RACGAP1: variants seen among roughly 807,000 people sequenced by gnomAD.
The protein encoded by RACGAP1 is rac GTPase-activating protein 1.
In RACGAP1, 30 loss-of-function variants were observed where a neutral mutation model predicts 78.1. The observed-to-expected ratio is 0.38, with a 90% CI of 0.29 to 0.52. The LOEUF is 0.52. Ranked by LOEUF, RACGAP1 falls within the 20% of genes least tolerant of loss-of-function variation. The pLI, the probability that RACGAP1 is intolerant of heterozygous loss-of-function variation, is 0.82. For synonymous variants in RACGAP1, 231 were observed against 264.8 expected (o/e 0.87, Z 1.24); for missense variants, 587 against 777.1 (o/e 0.76, Z 2.91).
At chr12:50,007,337 A>G (rs1041011332) in intron 2 of RACGAP1, among the ~76,000 whole-genome samples, 2 of 152,180 alleles carry the variant, frequency 1.3e-5, no homozygotes, top group African/African-American at 4.8e-5. Flanking sequence ...TGCAAAGAGA[A>G]CATCACTTCC....
At chr12:50,033,347 T>G, upstream of RACGAP1, among the ~76,000 whole-genome samples, 1 of 148,966 alleles carries the variant, frequency 6.7e-6, no homozygotes, top group Non-Finnish European at 1.5e-5. Flanking sequence ...GTTCTGGGGG[T>G]CCAGGGAGGG....
intron 1 of RACGAP1, 47 bp from the exon 2 acceptor site, chr12:50,016,766 C>A: frequency 6.3e-7 from 1 of 1,582,166 alleles, no homozygotes; most frequent in Admixed American, 1.7e-5. Flanking sequence ...TTCTCGCCCA[C>A]AACAAAAGAT....
intron 2 of RACGAP1, among the ~76,000 whole-genome samples, chr12:50,009,633 T>C (rs1435269666): frequency 6.6e-6 from 1 of 152,196 alleles, no homozygotes; most frequent in African/African-American, 2.4e-5. Context: ...AAATAATCTG[T>C]TGAACAAATG....
chr12:49,997,228 AAC>A, intron 9 of RACGAP1, 24 bp from the exon 10 acceptor site: 1 of 1,512,578 alleles, frequency 6.6e-7, no homozygotes, highest in Non-Finnish European at 8.9e-7. Context: ...GGGCAGAAGG[AAC>A]AGAGTGATAT....
rs1469746467 is a variant in RACGAP1, at chr12:50,001,263, G to A, written c.550-11C>T. 1 of 1,590,736 alleles carries A rather than the reference G, an allele frequency of 6.3e-7. No homozygotes were observed. The highest frequency in any genetic ancestry group is 1.1e-5 in the South Asian group (1 of 90,494). On this transcript the variant is annotated splice_polypyrimidine_tract_variant and intron_variant, in intron 6 of 16. Coordinates refer to ENST00000312377, the MANE Select transcript of RACGAP1 (RefSeq NM_001319999.2). ...TCGGCTAGTAGAGCGCTAGAAAGGA[G>A]ACAAAGACCCGTAACTTTAATGCCA...
chr12:49,999,393 T>C (rs1445483689), intron 8 of RACGAP1, 122 bp from the exon 9 acceptor site: 3 of 1,285,718 alleles, frequency 2.3e-6, no homozygotes, highest in Non-Finnish European at 3.2e-6. Context: ...TGAGAACTAA[T>C]GGCTATGTAA....
intron 4 of RACGAP1, 127 bp downstream of exon 4, chr12:50,005,129 C>T (rs1462532213): frequency 6.4e-6 from 9 of 1,406,094 alleles, no homozygotes; most frequent in Non-Finnish European, 8.7e-6. Context: ...CTACTCTCCC[C>T]ACAAAATCTT....
In RACGAP1 at chr12:50,031,133, A is replaced by G. The variant is rs943078906; in HGVS notation, c.-24+564T>C. On this transcript the variant is annotated intron_variant, in intron 2 of 3. Coordinates refer to the RACGAP1 transcript ENST00000548247. ...AAAGTAAAAATGTGATTCTAATCAT[A>G]TATCTCCCTTGCTTAAAATCCTTAA... 3.3e-5 allele frequency among the ~76,000 whole-genome samples: 5 copies of G among 152,072 alleles called. No individual in the cohort carries two copies. The East Asian group carries it at 7.7e-4, about 23-fold the overall frequency.
At chr12:50,006,395 CT>C (rs993104481) in intron 3 of RACGAP1, 38 bp downstream of exon 3, 4 of 1,605,304 alleles carry the variant, frequency 2.5e-6, no homozygotes, top group Non-Finnish European at 3.4e-6. Flanking sequence ...CTTCCCCCTC[CT>C]GCATCATCAC....
chr12:50,026,639 T>C (rs1373749695), upstream of RACGAP1, among the ~76,000 whole-genome samples: 1 of 152,114 alleles, frequency 6.6e-6, no homozygotes, highest in Non-Finnish European at 1.5e-5. Flanking sequence ...ATATATAAAA[T>C]TGTATTTTAT....
chr12:49,993,794 C>T (rs1302957119), intron 12 of RACGAP1, among the ~76,000 whole-genome samples: 1 of 148,438 alleles, frequency 6.7e-6, no homozygotes, highest in Non-Finnish European at 1.5e-5. Flanking sequence ...CGCCTGTAAT[C>T]GCAGCACTTT....
At chr12:50,032,182 C>A (rs1443821201) in intron 1 of RACGAP1, among the ~76,000 whole-genome samples, 2 of 151,892 alleles carry the variant, frequency 1.3e-5, no homozygotes, top group African/African-American at 4.8e-5. Context: ...ATAGTTATTT[C>A]CTAGGGTTGT....
chr12:49,991,472 T>TATATATATATATATATATATATAG (rs1947847690), intron 15 of RACGAP1, among the ~76,000 whole-genome samples: 1 of 31,752 alleles, frequency 3.1e-5, no homozygotes, highest in South Asian at 1.2e-3. Flanking sequence ...TATATATATA[T>TATATATATATATATATATATATAG]ATATATATTT....
intron 15 of RACGAP1, among the ~76,000 whole-genome samples, chr12:49,991,283 A>T (rs1481619814): frequency 6.6e-6 from 1 of 151,622 alleles, no homozygotes; most frequent in East Asian, 1.9e-4. Flanking sequence ...ACTCTTAGGA[A>T]TTTATCATTA....
intron 2 of RACGAP1, among the ~76,000 whole-genome samples, chr12:50,014,938 G>C (rs1382432934): frequency 6.6e-6 from 1 of 151,354 alleles, no homozygotes; most frequent in Non-Finnish European, 1.5e-5. Context: ...AGCTACTCAG[G>C]AGGCTGAGGC....
chr12:50,024,004 A>G (rs1439038858), intron 1 of RACGAP1, among the ~76,000 whole-genome samples: 1 of 151,774 alleles, frequency 6.6e-6, no homozygotes. Flanking sequence ...TACTAAAAAT[A>G]CAAAAAATTA....
intron 2 of RACGAP1, 102 bp downstream of exon 2, chr12:50,016,529 A>G: frequency 7.8e-7 from 1 of 1,278,190 alleles, no homozygotes; most frequent in South Asian, 1.2e-5. Context: ...TAGGTAACCC[A>G]AATGGAAAAC....
upstream of RACGAP1, among the ~76,000 whole-genome samples, chr12:50,028,691 G>T (rs1281670566): frequency 1.3e-5 from 2 of 152,082 alleles, no homozygotes; most frequent in Admixed American, 6.6e-5. Context: ...AGAATTGGTC[G>T]AACCTGGGAG....
chr12:50,006,495 C>G lies in RACGAP1; in HGVS notation c.227G>C (p.Arg76Pro). ...TTTGATCTCTACATCCACCTGATTA[C>G]GTGCATGCTTCAGCTTAACATCCAG... ...SALDVKLKHARNQVDVEIKRR... is the reference protein window; with the variant it reads ...SALDVKLKHAPNQVDVEIKRR... Residue 76 changes from arginine (R) to proline (P), a missense_variant, in exon 3 of 17, where the codon CGT becomes CCT. Arg to Pro is a moderately radical substitution (Grantham distance 103, BLOSUM62 -2). Coordinates refer to ENST00000312377, the MANE Select transcript of RACGAP1 (RefSeq NM_001319999.2). 6.2e-7 allele frequency: 1 copy of G among 1,614,190 alleles called. No individual in the cohort carries two copies. The highest frequency in any genetic ancestry group is 8.5e-7 in the Non-Finnish European group (1 of 1,180,022).
Sources: allele counts gnomAD v4.1 joint callset (sites outside exome capture counted in the v4.1 genomes callset), GRCh38; gene constraint gnomAD v4.1.1; transcripts MANE v1.5; gene names NCBI Gene and HGNC (gene_info 2026-07-23, HGNC 2026-07-21).